The following ZNF679 variants were observed in gnomAD, a reference collection of about 807,000 sequenced individuals.
ZNF679 encodes the protein zinc finger protein 679, also known as hypothetical protein MGC42415.
A neutral mutation model predicts 13.4 loss-of-function variants in ZNF679; 10 were observed. That is an observed-to-expected ratio of 0.75 (90% CI 0.46 to 1.27). The LOEUF (loss-of-function observed/expected upper bound fraction) is 1.27, where lower values mean the gene tolerates loss of function less well. Ranked by LOEUF, ZNF679 falls within the 50% of genes most tolerant of loss-of-function variation. ZNF679 has a pLI of 0.00. For missense variants in ZNF679, 525 were observed against 477.8 expected, an observed-to-expected ratio of 1.10 and a Z score of -0.92; for synonymous variants, 179 against 162.5, an observed-to-expected ratio of 1.10 and a Z score of -0.77.
At chr7:64,242,435 C>T (rs762081029) in intron 1 of ZNF679, among the ~76,000 whole-genome samples, 12 of 152,112 alleles carry the variant, frequency 7.9e-5, no homozygotes, top group Non-Finnish European at 1.5e-4. Context: ...CACCCATTGC[C>T]CTAAGCCCAG....
In ZNF679 at chr7:64,262,839, G is replaced by A. The variant is rs143958233; in HGVS notation, c.262+1910G>A. The stretch of plus-strand genomic sequence containing the variant: ...ATATTTCAGGAATAAATATACTTTT[G>A]GAATTTTGATACAGATTATATTAAA... On this transcript the variant is annotated intron_variant, in intron 4 of 4. Transcript: ENST00000421025. Among the ~76,000 whole-genome samples, 351 of 152,190 alleles carry A rather than the reference G, an allele frequency of 2.3e-3. 12 individuals are homozygous for A. The highest frequency in any genetic ancestry group is 0.016 in the Admixed American group (242 of 15,284).
intron 2 of ZNF679, among the ~76,000 whole-genome samples, chr7:64,252,045 C>T (rs1368823567): frequency 6.6e-6 from 1 of 152,136 alleles, no homozygotes; most frequent in East Asian, 1.9e-4. Context: ...AAAACTATTT[C>T]TAAAGGCAAG....
chr7:64,249,104 G>T lies in ZNF679; in HGVS notation c.-14G>T, dbSNP rs563979238. 14 of 1,614,140 alleles carry T rather than the reference G, an allele frequency of 8.7e-6. No individual in the cohort carries two copies. The highest frequency in any genetic ancestry group is 2.5e-6 in the Non-Finnish European group (3 of 1,180,014). ...GCCACTGTGGCCTTGTGTTCTGCAGGTATCCGCAGATTTATGGCTAAAAGA... is the reference window on the plus strand; with the variant it reads ...GCCACTGTGGCCTTGTGTTCTGCAGTTATCCGCAGATTTATGGCTAAAAGA... On this transcript the variant is annotated 5_prime_UTR_variant, in exon 2 of 5. Transcript: ENST00000421025.
intron 4 of ZNF679, among the ~76,000 whole-genome samples, chr7:64,264,137 GT>G (rs1788112882): frequency 6.6e-6 from 1 of 151,484 alleles, no homozygotes; most frequent in Non-Finnish European, 1.5e-5. Context: ...ATCAATCTTT[GT>G]CTCATGCTAG....
chr7:64,241,100 C>T (rs184394199), intron 1 of ZNF679, among the ~76,000 whole-genome samples: 1 of 152,266 alleles, frequency 6.6e-6, no homozygotes, highest in East Asian at 1.9e-4. Context: ...TTGCATACAA[C>T]AGCCACAATT....
In ZNF679 at chr7:64,249,086, T is replaced by C; in HGVS notation, c.-32T>C. On this transcript the variant is annotated 5_prime_UTR_variant, in exon 2 of 5. Coordinates refer to ENST00000421025, the MANE Select transcript of ZNF679 (RefSeq NM_153363.3). ...TCTGTTCCTAGAGGCCAAGCCACTG[T>C]GGCCTTGTGTTCTGCAGGTATCCGC... 6.2e-7 allele frequency: 1 copy of C among 1,614,062 alleles called. No homozygotes were observed. Among genetic ancestry groups the C allele is most frequent in the Non-Finnish European group, 8.5e-7 (1 of 1,179,964 alleles).
chr7:64,237,017 GAA>G (rs1554369170), intron 1 of ZNF679, among the ~76,000 whole-genome samples: 1 of 141,048 alleles, frequency 7.1e-6, no homozygotes, highest in East Asian at 2.2e-4. Context: ...AAGAAAGAAA[GAA>G]AGAAACCTAT....
intron 2 of ZNF679, among the ~76,000 whole-genome samples, chr7:64,259,188 A>T (rs987714367): frequency 6.6e-6 from 1 of 152,168 alleles, no homozygotes; most frequent in Non-Finnish European, 1.5e-5. Flanking sequence ...CTGGGATTAC[A>T]GGCGTGAGCT....
intron 2 of ZNF679, among the ~76,000 whole-genome samples, chr7:64,255,390 T>C (rs1787991976): frequency 6.6e-6 from 1 of 152,080 alleles, no homozygotes; most frequent in Non-Finnish European, 1.5e-5. Context: ...AAAATCCCAT[T>C]AATGTGCCTA....
Position 64,256,737 on chromosome 7 carries a change from G to A in ZNF679, c.40-3484G>A, listed in dbSNP as rs895620892. 4.4e-4 allele frequency among the ~76,000 whole-genome samples: 60 copies of A among 136,932 alleles called. 1 individual carries two copies. In the Middle Eastern group the frequency reaches 0.029, roughly 67 times the overall value. 89.8% of individuals were successfully genotyped at this position (136,932 alleles called of 152,430 possible). A position where few individuals can be genotyped will look rare whatever the true frequency, so the allele number is the denominator to read the frequency against. ...TTTTGAGACGGAGTTTCACTCTTTC[G>A]CCCAGGCTGGAGTGCAGTGGCATGA... On this transcript the variant is annotated intron_variant, in intron 2 of 4. Coordinates refer to ENST00000421025, the MANE Select transcript of ZNF679 (RefSeq NM_153363.3).
At chr7:64,247,326 C>T (rs529056896) in intron 1 of ZNF679, among the ~76,000 whole-genome samples, 4 of 152,164 alleles carry the variant, frequency 2.6e-5, no homozygotes, top group Non-Finnish European at 2.9e-5. Flanking sequence ...AGCACCTATT[C>T]CAGATGCAGT....
chr7:64,241,212 A>G (rs1343420894), intron 1 of ZNF679, among the ~76,000 whole-genome samples: 2 of 152,220 alleles, frequency 1.3e-5, no homozygotes, highest in Non-Finnish European at 2.9e-5. Flanking sequence ...TGCAAGTTAA[A>G]GACCCAGAAC....
intron 1 of ZNF679, among the ~76,000 whole-genome samples, chr7:64,234,930 A>G (rs1787688479): frequency 6.6e-6 from 1 of 152,044 alleles, no homozygotes; most frequent in Admixed American, 6.6e-5. Context: ...CTCTACCTCC[A>G]GGGTTCAAGC....
Position 64,249,022 on chromosome 7 carries a change from G to A in ZNF679, c.-90-6G>A. The A allele has an allele frequency of 2.5e-6, 4 of 1,571,626 alleles. No homozygotes were observed. Among genetic ancestry groups the A allele is most frequent in the Non-Finnish European group, 1.7e-6 (2 of 1,152,042 alleles). On this transcript the variant is annotated splice_polypyrimidine_tract_variant and splice_region_variant and intron_variant, in intron 1 of 4. Coordinates refer to ENST00000421025, the MANE Select transcript of ZNF679 (RefSeq NM_153363.3). ...TTCCGGGTCCTTTGTGTTTCTCTGCGTCCAGAGCTCCAGTTCTTCTCTTCA... is the reference window on the plus strand; with the variant it reads ...TTCCGGGTCCTTTGTGTTTCTCTGCATCCAGAGCTCCAGTTCTTCTCTTCA...
At chr7:64,246,720 CAAAAGAAAGAAAG>C (rs1787875660) in intron 1 of ZNF679, among the ~76,000 whole-genome samples, 1 of 139,584 alleles carries the variant, frequency 7.2e-6, no homozygotes, top group Non-Finnish European at 1.5e-5. Flanking sequence ...AGGACTCTGT[CAAAAGAAAGAAAG>C]AAAAGAAAGA....
At chr7:64,264,181 A>G (rs1271690461) in intron 4 of ZNF679, among the ~76,000 whole-genome samples, 4 of 151,958 alleles carry the variant, frequency 2.6e-5, no homozygotes, top group Admixed American at 2.6e-4. Flanking sequence ...GTGTCTATAA[A>G]GATTTTTTCT....
At position 64,248,019 on chromosome 7, in the gene ZNF679, C is replaced by CT. The variant is rs200312359; in HGVS notation, c.-90-1000dup. ...ATAAACAAATACCTCAGACTGCGTA[C>CT]TTTTTTTTTAAGTGGTTTAATTGAA... On this transcript the variant is annotated intron_variant, in intron 1 of 4. Coordinates refer to ENST00000421025, the MANE Select transcript of ZNF679 (RefSeq NM_153363.3). Among the ~76,000 whole-genome samples the CT allele has an allele frequency of 1.0e-3, 154 of 151,458 alleles. No individual in the cohort carries two copies. The East Asian group carries it at 0.019, about 19-fold the overall frequency.
At chr7:64,255,013 A>AAAG (rs1275979496) in intron 2 of ZNF679, among the ~76,000 whole-genome samples, 10 of 150,460 alleles carry the variant, frequency 6.6e-5, no homozygotes, top group Non-Finnish European at 8.9e-5. Flanking sequence ...AAAAAAAAAA[A>AAAG]AAAAGAAAAA....
chr7:64,237,175 G>A (rs1384026883), intron 1 of ZNF679, among the ~76,000 whole-genome samples: 2 of 152,148 alleles, frequency 1.3e-5, no homozygotes, highest in South Asian at 2.1e-4. Flanking sequence ...TGGAGAAAAC[G>A]GGTCACTGGT....
Sources: gnomAD v4.1 joint callset for allele counts (sites outside exome capture counted in the v4.1 genomes callset) on GRCh38, gnomAD v4.1.1 for gene constraint, MANE v1.5 for transcripts, NCBI Gene and HGNC (gene_info 2026-07-23, HGNC 2026-07-21) for gene names.